Variants in ZMYM4 observed in about 807,000 individuals in gnomAD.
ZMYM4 encodes zinc finger MYM-type protein 4.
Under a neutral mutation model 183.2 loss-of-function variants are expected in ZMYM4, and 31 were observed. The ratio of observed to expected loss-of-function variants is 0.17; its 90% CI spans 0.13 to 0.23. The LOEUF (loss-of-function observed/expected upper bound fraction) is 0.23, where lower values mean the gene tolerates loss of function less well. ZMYM4 is among the 10% of genes least tolerant of loss of function. The pLI is 1.00. For synonymous variants in ZMYM4, 592 were observed against 631.2 expected (o/e 0.94, Z 0.93); for missense variants, 1,273 against 1,840.3 (o/e 0.69, Z 5.64).
chr1:35,286,594 ATTTTTTTT>A (rs35510573), intron 1 of ZMYM4, among the ~76,000 whole-genome samples: 1 of 117,570 alleles, frequency 8.5e-6, no homozygotes, highest in African/African-American at 3.2e-5. Flanking sequence ...CTGTCTGCCT[ATTTTTTTT>A]TTTTTTTTTT....
In ZMYM4 at chr1:35,420,718, CACAAAGA is replaced by C. The variant is rs1640297820; in HGVS notation, c.*1042_*1048del. The C allele has an allele frequency of 6.6e-6, 1 of 152,552 alleles. No homozygotes were observed. Among genetic ancestry groups the C allele is most frequent in the Admixed American group, 6.5e-5 (1 of 15,276 alleles). 9.4% of individuals were successfully genotyped at this position (152,552 alleles called of 1,614,324 possible). A position where few individuals can be genotyped will look rare whatever the true frequency, so the allele number is the denominator to read the frequency against. On this transcript the variant is annotated 3_prime_UTR_variant, in exon 30 of 30. Coordinates refer to ENST00000314607, the MANE Select transcript of ZMYM4 (RefSeq NM_005095.3). Reference sequence around the variant, plus strand: ...ACTCTGGCAAACCTGTGAGTGATTCCACAAAGATACAGTATTACTTAGCTATCTGAAT... The same window carrying C: ...ACTCTGGCAAACCTGTGAGTGATTCCTACAGTATTACTTAGCTATCTGAAT...
chr1:35,307,506 T>A (rs191085850), intron 1 of ZMYM4, among the ~76,000 whole-genome samples: 2,016 of 149,808 alleles, frequency 0.013, 48 homozygotes, highest in African/African-American at 0.046. Flanking sequence ...TTAAAAAAAA[T>A]TTTTAATTAT....
intron 1 of ZMYM4, among the ~76,000 whole-genome samples, chr1:35,315,277 T>A (rs1641994677): frequency 6.6e-6 from 1 of 152,204 alleles, no homozygotes; most frequent in Non-Finnish European, 1.5e-5. Context: ...GCTGGCTTGT[T>A]AAGTTTTTTT....
chr1:35,387,539 A>C lies in ZMYM4; in HGVS notation c.2198A>C (p.Lys733Thr). The C allele has an allele frequency of 6.2e-7, 1 of 1,613,926 alleles. No homozygotes were observed. Among genetic ancestry groups the C allele is most frequent in the South Asian group, 1.1e-5 (1 of 91,004 alleles). ...GTAATGGCAATGTGTGAATATTGTAAAATTGAGAAAATTGTAAAGGAGACT... is the reference window on the plus strand; with the variant it reads ...GTAATGGCAATGTGTGAATATTGTACAATTGAGAAAATTGTAAAGGAGACT... ...NNVMAMCEYC[K>T]IEKIVKETVR... The change falls in exon 13 of 30, where the codon AAA becomes ACA. Residue 733 changes from lysine to threonine, a missense_variant. Coordinates refer to ENST00000314607, the MANE Select transcript of ZMYM4 (RefSeq NM_005095.3).
In ZMYM4 at chr1:35,421,475, C is replaced by T. The variant is rs1017125986; in HGVS notation, c.*1798C>T. 2 of 152,476 alleles carry T rather than the reference C, an allele frequency of 1.3e-5. No homozygotes were observed. The highest frequency in any genetic ancestry group is 4.8e-5 in the African/African-American group (2 of 41,404). The allele number at this position is 152,476 out of a possible 1,614,324, so 9.4% of individuals were successfully genotyped here. ...AGCAAGTGTAATAGTCCCCACTATA[C>T]GAATTTTATGGTTTGTATAAACACT... On this transcript the variant is annotated 3_prime_UTR_variant, in exon 30 of 30. Coordinates refer to ENST00000314607, the MANE Select transcript of ZMYM4 (RefSeq NM_005095.3).
intron 2 of ZMYM4, among the ~76,000 whole-genome samples, chr1:35,344,945 C>T (rs1244884361): frequency 6.6e-6 from 1 of 152,176 alleles, no homozygotes; most frequent in Admixed American, 6.5e-5. Context: ...CTAGTGGAGA[C>T]ATCCGGGCCT....
chr1:35,415,168 A>G (rs1279725817), intron 27 of ZMYM4, among the ~76,000 whole-genome samples: 1 of 152,188 alleles, frequency 6.6e-6, no homozygotes, highest in Non-Finnish European at 1.5e-5. Context: ...CAGAGCCTAT[A>G]TGGCCTACAC....
intron 1 of ZMYM4, among the ~76,000 whole-genome samples, chr1:35,312,491 A>G (rs1641847468): frequency 6.6e-6 from 1 of 152,216 alleles, no homozygotes; most frequent in African/African-American, 2.4e-5. Flanking sequence ...AACACCATCC[A>G]TATCCAGAAC....
intron 1 of ZMYM4, among the ~76,000 whole-genome samples, chr1:35,307,496 T>C (rs1450790610): frequency 6.6e-6 from 1 of 150,464 alleles, no homozygotes; most frequent in Non-Finnish European, 1.5e-5. Flanking sequence ...TTTTAATTGT[T>C]TAAAAAAAAT....
chr1:35,284,666 A>T (rs554326542), intron 1 of ZMYM4, among the ~76,000 whole-genome samples: 2 of 152,222 alleles, frequency 1.3e-5, no homozygotes, highest in East Asian at 3.9e-4. Context: ...TATTTCTTAC[A>T]TTTCAGGAGG....
intron 23 of ZMYM4, among the ~76,000 whole-genome samples, chr1:35,403,285 TTTG>T (rs1285425306): frequency 2.6e-5 from 4 of 152,208 alleles, no homozygotes; most frequent in Admixed American, 1.3e-4. Flanking sequence ...GCGAAGGTTT[TTTG>T]TTGTTGTTCT....
chr1:35,278,654 C>G (rs575660248), intron 1 of ZMYM4, among the ~76,000 whole-genome samples: 7 of 152,196 alleles, frequency 4.6e-5, no homozygotes, highest in Non-Finnish European at 1.0e-4. Context: ...ATCTCCTGAC[C>G]TCGTGATCTG....
intron 1 of ZMYM4, among the ~76,000 whole-genome samples, chr1:35,318,656 C>T (rs1642157666): frequency 6.6e-6 from 1 of 151,992 alleles, no homozygotes; most frequent in East Asian, 1.9e-4. Flanking sequence ...CAGGGTTTTA[C>T]CATCTTGGCC....
At position 35,363,840 on chromosome 1, in the gene ZMYM4, C is replaced by T. The variant is rs114268336; in HGVS notation, c.840+2051C>T. On this transcript the variant is annotated intron_variant, in intron 5 of 29. Coordinates refer to ENST00000314607, the MANE Select transcript of ZMYM4 (RefSeq NM_005095.3). Reference sequence around the variant, plus strand: ...CAGTATATGCTTCAGAAGACTACAGCCATGTCTATATGAAGGGCAGATCTT... The same window carrying T: ...CAGTATATGCTTCAGAAGACTACAGTCATGTCTATATGAAGGGCAGATCTT... Among the ~76,000 whole-genome samples the T allele has an allele frequency of 3.2e-3, 493 of 152,248 alleles. 4 individuals are homozygous for T. The highest frequency in any genetic ancestry group is 0.011 in the African/African-American group (476 of 41,554).
intron 5 of ZMYM4, among the ~76,000 whole-genome samples, chr1:35,362,565 G>A (rs1381511756): frequency 1.3e-5 from 2 of 152,228 alleles, no homozygotes; most frequent in African/African-American, 4.8e-5. Context: ...TGTAAAGATG[G>A]TATGAATTGG....
chr1:35,403,799 T>A (rs1216247813), intron 23 of ZMYM4, among the ~76,000 whole-genome samples: 3 of 152,250 alleles, frequency 2.0e-5, no homozygotes, highest in Admixed American at 6.5e-5. Context: ...TTAACTATGA[T>A]GGAATTTAAT....
intron 1 of ZMYM4, among the ~76,000 whole-genome samples, chr1:35,280,936 C>G (rs933428403): frequency 1.3e-5 from 2 of 152,150 alleles, no homozygotes; most frequent in Non-Finnish European, 2.9e-5. Flanking sequence ...TAACCCACAA[C>G]ATGGTCTTCA....
chr1:35,298,709 A>T (rs1305074235), intron 1 of ZMYM4, among the ~76,000 whole-genome samples: 1 of 152,194 alleles, frequency 6.6e-6, no homozygotes, highest in Non-Finnish European at 1.5e-5. Flanking sequence ...CCTTCCTTCT[A>T]GAGTATTCCT....
intron 2 of ZMYM4, among the ~76,000 whole-genome samples, chr1:35,345,478 T>G (rs557254334): frequency 2.0e-4 from 30 of 151,960 alleles, no homozygotes; most frequent in African/African-American, 7.0e-4. Flanking sequence ...TAAAGACAGG[T>G]TTTTACTCCT....
Sources: gnomAD v4.1 joint callset for allele counts (sites outside exome capture counted in the v4.1 genomes callset) on GRCh38, gnomAD v4.1.1 for gene constraint, MANE v1.5 for transcripts, NCBI Gene and HGNC (gene_info 2026-07-23, HGNC 2026-07-21) for gene names.